GSAP: variants seen among roughly 807,000 people sequenced by gnomAD.
GSAP encodes the protein gamma-secretase-activating protein.
Under a neutral mutation model 131.7 loss-of-function variants are expected in GSAP, and 118 were observed. The observed-to-expected ratio is 0.90, with a 90% CI of 0.77 to 1.04. The LOEUF is 1.04. Among genes scored for constraint, GSAP ranks in the 50% least tolerant of loss-of-function variants. The pLI is 0.00. For synonymous variants in GSAP, 381 were observed against 363.4 expected (o/e 1.05, Z -0.55); for missense variants, 1,019 against 1,013.2 (o/e 1.01, Z -0.08).
At chr7:77,366,782 T>C (rs1341341667) in intron 12 of GSAP, among the ~76,000 whole-genome samples, 4 of 152,222 alleles carry the variant, frequency 2.6e-5, no homozygotes, top group Non-Finnish European at 5.9e-5. Context: ...GATAGTTTGA[T>C]AGGAATAGCA....
intron 6 of GSAP, among the ~76,000 whole-genome samples, chr7:77,386,812 C>T (rs763498605): frequency 6.6e-6 from 1 of 152,196 alleles, no homozygotes; most frequent in Non-Finnish European, 1.5e-5. Context: ...TGCGAATGTG[C>T]ATGTTGGGTG....
At chr7:77,324,588 A>C (rs958271334) in intron 23 of GSAP, among the ~76,000 whole-genome samples, 9 of 152,054 alleles carry the variant, frequency 5.9e-5, no homozygotes, top group Non-Finnish European at 1.0e-4. Context: ...CCAAGACATA[A>C]TGGTACCTTA....
intron 1 of GSAP, among the ~76,000 whole-genome samples, chr7:77,406,721 C>A (rs1227243909): frequency 6.6e-6 from 1 of 152,220 alleles, no homozygotes; most frequent in African/African-American, 2.4e-5. Flanking sequence ...AGCCAAGGGT[C>A]AGGTGAATCA....
In GSAP at chr7:77,313,484, T is replaced by G; in HGVS notation, c.2271+4A>C. The G allele has an allele frequency of 6.7e-7, 1 of 1,488,190 alleles. No homozygotes were observed. The highest frequency in any genetic ancestry group is 1.1e-5 in the South Asian group (1 of 87,708). 92.2% of individuals were successfully genotyped at this position (1,488,190 alleles called of 1,614,324 possible). ...GGAGAAAATAAAATGTAACTCAGTATTACCGGAGGAAGCCGCACAATGATA... is the reference window on the plus strand; with the variant it reads ...GGAGAAAATAAAATGTAACTCAGTAGTACCGGAGGAAGCCGCACAATGATA... On this transcript the variant is annotated splice_donor_region_variant and intron_variant, in intron 28 of 30. Coordinates refer to ENST00000257626, the MANE Select transcript of GSAP (RefSeq NM_017439.4).
intron 26 of GSAP, chr7:77,316,254 T>C (rs1245043692): frequency 2.0e-5 from 3 of 152,250 alleles, no homozygotes; most frequent in South Asian, 4.1e-4. Flanking sequence ...TTGCAACTCA[T>C]TGAATGTGGG....
chr7:77,344,656 C>G (rs1791518805), intron 19 of GSAP, among the ~76,000 whole-genome samples: 1 of 152,252 alleles, frequency 6.6e-6, no homozygotes, highest in Non-Finnish European at 1.5e-5. Flanking sequence ...CTATCCCCAA[C>G]TGCCAGTCTT....
rs377388633 is a variant in GSAP, at chr7:77,374,660, C to A, written c.785+398G>T. 1.5e-3 allele frequency among the ~76,000 whole-genome samples: 228 copies of A among 150,548 alleles called. 2 individuals carry two copies. Among genetic ancestry groups the A allele is most frequent in the South Asian group, 4.8e-3 (23 of 4,756 alleles). ...AAAGGAAAACAGAAAAAAAAAAAAA[C>A]CAATTAATTCAGCTGAGCTACAAGT... is the stretch of plus-strand genomic sequence containing the variant. On this transcript the variant is annotated intron_variant, in intron 11 of 30. Transcript: ENST00000257626.
At chr7:77,355,845 G>A (rs940743686) in intron 14 of GSAP, among the ~76,000 whole-genome samples, 198 bp from the exon 15 acceptor site, 2 of 144,340 alleles carry the variant, frequency 1.4e-5, no homozygotes, top group African/African-American at 5.3e-5. Flanking sequence ...CTGGAGTAGC[G>A]GTGGTGTGAT....
chr7:77,400,214 C>CT (rs758163977), intron 3 of GSAP, among the ~76,000 whole-genome samples: 4 of 152,128 alleles, frequency 2.6e-5, no homozygotes, highest in African/African-American at 4.8e-5. Flanking sequence ...GAAATCAGGA[C>CT]TTTCAACCAT....
chr7:77,387,282 T>C, intron 6 of GSAP, 78 bp downstream of exon 6: 4 of 772,986 alleles, frequency 5.2e-6, no homozygotes, highest in Non-Finnish European at 9.3e-6. Flanking sequence ...AGAGTGAAAG[T>C]ACTTTGTAAA....
In GSAP at chr7:77,389,438, C is replaced by G. The variant is rs188514320; in HGVS notation, c.368-1990G>C. On this transcript the variant is annotated intron_variant, in intron 5 of 30. Coordinates refer to ENST00000257626, the MANE Select transcript of GSAP (RefSeq NM_017439.4). ...ATCTCCCAACGCTATCCCTCCCCCC[C>G]TCCCCACCCAACAGTCCCCGATGTG... Among the ~76,000 whole-genome samples the G allele has an allele frequency of 6.2e-3, 934 of 151,406 alleles. 4 individuals carry two copies. The highest frequency in any genetic ancestry group is 9.4e-3 in the Non-Finnish European group (641 of 67,862).
intron 5 of GSAP, among the ~76,000 whole-genome samples, chr7:77,391,125 C>CAAAAAAAAAAAAAAAA (rs3083869): frequency 6.1e-5 from 4 of 65,106 alleles, no homozygotes; most frequent in Non-Finnish European, 1.1e-4. Context: ...GGCTCCGTCT[C>CAAAAAAAAAAAAAAAA]AAAAAAAAAA....
At chr7:77,365,898 G>GTTTTTTT (rs35007328) in intron 12 of GSAP, among the ~76,000 whole-genome samples, 560 of 115,312 alleles carry the variant, frequency 4.9e-3, no homozygotes, top group Non-Finnish European at 5.8e-3. Context: ...GCAACTGTGG[G>GTTTTTTT]TTTTTTTTTT....
Position 77,374,148 on chromosome 7 carries a change from T to A in GSAP, c.793A>T (p.Asn265Tyr). The A allele has an allele frequency of 1.3e-6, 2 of 1,552,008 alleles. No individual in the cohort carries two copies. The highest frequency in any genetic ancestry group is 1.8e-6 in the Non-Finnish European group (2 of 1,129,408). ...SLSNSGFKLV[N>Y]FGCDYHQYRD... ...TATTGATGATAATCACATCCAAAGT[T>A]GACAAGTCTAAGAACATAAAGAATG... The change falls in exon 12 of 31, where the codon AAC becomes TAC. Residue 265 changes from asparagine (N) to tyrosine (Y), a missense_variant. Asn to Tyr is a moderately radical substitution (Grantham distance 143). Transcript: ENST00000257626.
At position 77,330,338 on chromosome 7, in the gene GSAP, T is replaced by G; in HGVS notation, c.1575A>C (p.Lys525Asn). The G allele has an allele frequency of 6.2e-7, 1 of 1,613,650 alleles. No individual in the cohort carries two copies. Among genetic ancestry groups the G allele is most frequent in the African/African-American group, 1.3e-5 (1 of 74,984 alleles). ...KVLSFKGYWE[K>N]LNSNLEYVKY... ...TAACATATTCTAGGTTGGAGTTCAGTTTTTCCCAGTAGCCCTTAAAGCTGA... is the reference window on the plus strand; with the variant it reads ...TAACATATTCTAGGTTGGAGTTCAGGTTTTCCCAGTAGCCCTTAAAGCTGA... The change falls in exon 20 of 31, where the codon AAA becomes AAC. Residue 525 changes from lysine (K) to asparagine (N), a missense_variant. By Grantham distance (94) the Lys-to-Asn change is moderately conservative. Coordinates refer to ENST00000257626, the MANE Select transcript of GSAP (RefSeq NM_017439.4).
At chr7:77,340,548 C>A (rs1235711556) in intron 19 of GSAP, among the ~76,000 whole-genome samples, 1 of 152,212 alleles carries the variant, frequency 6.6e-6, no homozygotes, top group Admixed American at 6.5e-5. Context: ...TCCAGCCTCT[C>A]TTGCTACCCT....
At position 77,320,731 on chromosome 7, in the gene GSAP, G is replaced by T; in HGVS notation, c.2083C>A (p.Pro695Thr). The T allele has an allele frequency of 6.3e-7, 1 of 1,582,616 alleles. No individual in the cohort carries two copies. Among genetic ancestry groups the T allele is most frequent in the Non-Finnish European group, 8.7e-7 (1 of 1,151,404 alleles). The change falls in exon 26 of 31, where the codon CCT becomes ACT. Residue 695 changes from proline to threonine, a missense_variant. Transcript: ENST00000257626. The part of the protein sequence containing the change: ...EATNSLFLPL[P>T]PGFHTLHTIL... ...CAAAAGAGCCAACACTTACCAGGAG[G>T]CAGAGGTAAAAACAAACTGTTTGTA...
intron 5 of GSAP, among the ~76,000 whole-genome samples, chr7:77,391,149 A>G (rs1305744334): frequency 1.4e-5 from 2 of 143,938 alleles, no homozygotes; most frequent in East Asian, 4.0e-4. Flanking sequence ...AAAAAAAAAG[A>G]AAAAGAAAAA....
chr7:77,358,960 G>A (rs1214528432), intron 14 of GSAP, among the ~76,000 whole-genome samples: 1 of 152,164 alleles, frequency 6.6e-6, no homozygotes, highest in Non-Finnish European at 1.5e-5. Context: ...GCCGAGGCAG[G>A]TGGATCACGA....
Sources: allele counts gnomAD v4.1 joint callset (sites outside exome capture counted in the v4.1 genomes callset), GRCh38; gene constraint gnomAD v4.1.1; transcripts MANE v1.5; gene names NCBI Gene and HGNC (gene_info 2026-07-23, HGNC 2026-07-21).